ZIM2: variants seen among roughly 807,000 people sequenced by gnomAD.
ZIM2 encodes the protein zinc finger imprinted 2.
In ZIM2, 14 loss-of-function variants were observed where a neutral mutation model predicts 38.6. The observed-to-expected ratio is 0.36, with a 90% CI of 0.24 to 0.57. ZIM2 has a LOEUF of 0.57. Ranked by LOEUF, ZIM2 falls within the 20% of genes least tolerant of loss-of-function variation. The probability of loss-of-function intolerance (pLI) is 0.81; values close to 1 mark genes in which losing one functional copy is unlikely to be tolerated. For missense variants in ZIM2, 680 were observed against 695.1 expected (o/e 0.98, Z 0.24); for synonymous variants, 247 against 245.8 (o/e 1.00, Z -0.04).
At chr19:56,794,492 AG>A (rs1338101485) in intron 9 of ZIM2, among the ~76,000 whole-genome samples, 1 of 152,240 alleles carries the variant, frequency 6.6e-6, no homozygotes, top group Non-Finnish European at 1.5e-5. Flanking sequence ...GTTTTCCATT[AG>A]AAATCATAAC....
At chr19:56,795,947 ATAAC>A (rs917147514) in intron 9 of ZIM2, among the ~76,000 whole-genome samples, 12 of 152,372 alleles carry the variant, frequency 7.9e-5, no homozygotes, top group Middle Eastern at 6.8e-3. Context: ...AAAATAAAAA[ATAAC>A]AAACTAATTT....
At chr19:56,810,193 G>T in intron 9 of ZIM2, 1 of 980,450 alleles carries the variant, frequency 1.0e-6, no homozygotes, top group Non-Finnish European at 1.2e-6. Flanking sequence ...AATATATCAA[G>T]ATGTTAACCA....
intron 1 of ZIM2, among the ~76,000 whole-genome samples, chr19:56,838,454 G>A (rs543097338): frequency 2.0e-5 from 3 of 152,112 alleles, no homozygotes; most frequent in Non-Finnish European, 4.4e-5. Context: ...GAACGGTCCC[G>A]GGCCCCAGCC....
intron 9 of ZIM2, chr19:56,791,138 T>C (rs1362244896): frequency 2.6e-5 from 4 of 152,146 alleles, no homozygotes; most frequent in Admixed American, 6.5e-5. Context: ...TGGGACAACA[T>C]CCACTATATC....
At chr19:56,801,719 C>T (rs1050667341) in intron 9 of ZIM2, among the ~76,000 whole-genome samples, 1 of 152,184 alleles carries the variant, frequency 6.6e-6, no homozygotes, top group Non-Finnish European at 1.5e-5. Flanking sequence ...ACAAACAATC[C>T]TATTGTAGCT....
intron 9 of ZIM2, among the ~76,000 whole-genome samples, chr19:56,797,268 C>T (rs2047278648): frequency 6.6e-6 from 1 of 151,920 alleles, no homozygotes; most frequent in Non-Finnish European, 1.5e-5. Flanking sequence ...GCCCACTGCA[C>T]TCCAGCCTGG....
intron 2 of ZIM2, chr19:56,833,180 C>A (rs762491743): frequency 1.9e-6 from 1 of 517,156 alleles, no homozygotes; most frequent in Admixed American, 1.9e-5. Context: ...CACATCCCAT[C>A]TGATGCAGGA....
intron 9 of ZIM2, among the ~76,000 whole-genome samples, chr19:56,803,986 T>C (rs1159327787): frequency 6.6e-6 from 1 of 152,336 alleles, no homozygotes; most frequent in Admixed American, 6.5e-5. Flanking sequence ...ACACCCACTT[T>C]GGTGAAGAAA....
At chr19:56,833,820 A>C (rs2061814325) in intron 2 of ZIM2, 2 of 152,774 alleles carry the variant, frequency 1.3e-5, no homozygotes, top group Admixed American at 1.3e-4. Context: ...TTTATATAGG[A>C]GCAAGGAGTA....
chr19:56,808,144 G>A (rs2047847601), intron 9 of ZIM2, among the ~76,000 whole-genome samples: 1 of 152,116 alleles, frequency 6.6e-6, no homozygotes, highest in Non-Finnish European at 1.5e-5. Flanking sequence ...TCCTTTGCTG[G>A]CATGAGGGAG....
intron 2 of ZIM2, among the ~76,000 whole-genome samples, chr19:56,829,103 C>A (rs1224894587): frequency 6.6e-6 from 1 of 152,122 alleles, no homozygotes; most frequent in African/African-American, 2.4e-5. Context: ...GTAATCCCAG[C>A]ACTTTGGGAG....
At chr19:56,826,804 A>C (rs1209696519) in intron 2 of ZIM2, among the ~76,000 whole-genome samples, 1 of 152,234 alleles carries the variant, frequency 6.6e-6, no homozygotes, top group East Asian at 1.9e-4. Context: ...AATTACAATA[A>C]GACAAGAAAA....
intron 9 of ZIM2, among the ~76,000 whole-genome samples, chr19:56,800,195 C>A (rs531697633): frequency 6.6e-6 from 1 of 150,968 alleles, no homozygotes; most frequent in South Asian, 2.1e-4. Context: ...TTTGACCTCA[C>A]AATAGAAAAA....
At chr19:56,788,842 C>A (rs757768306) in intron 10 of ZIM2, among the ~76,000 whole-genome samples, 5 of 151,686 alleles carry the variant, frequency 3.3e-5, no homozygotes, top group Non-Finnish European at 7.4e-5. Context: ...AGGCTTTGTT[C>A]ATTTCTTTTC....
At chr19:56,781,114 G>A (rs1600713716) in intron 11 of ZIM2, among the ~76,000 whole-genome samples, 1 of 152,178 alleles carries the variant, frequency 6.6e-6, no homozygotes, top group African/African-American at 2.4e-5. Flanking sequence ...AGAGAAGAGT[G>A]TAAAATATGC....
chr19:56,813,541 G>C (rs1221388603), intron 9 of ZIM2: 2 of 1,444,352 alleles, frequency 1.4e-6, no homozygotes, highest in Non-Finnish European at 9.1e-7. Flanking sequence ...TCTGAGTTTA[G>C]AGATGTTAAG....
At chr19:56,833,594 T>A in intron 2 of ZIM2, 1 of 183,420 alleles carries the variant, frequency 5.5e-6, no homozygotes, top group Non-Finnish European at 1.2e-5. Context: ...GTTCTCAAAC[T>A]CAGATGTGCA....
intron 1 of ZIM2, among the ~76,000 whole-genome samples, chr19:56,836,725 T>C (rs1411853001): frequency 1.3e-5 from 2 of 152,034 alleles, no homozygotes; most frequent in Non-Finnish European, 2.9e-5. Flanking sequence ...TCCCAGCACT[T>C]TGGGAGGCCA....
intron 9 of ZIM2, chr19:56,793,004 C>T (rs2047019703): frequency 6.5e-6 from 1 of 152,732 alleles, no homozygotes; most frequent in South Asian, 2.1e-4. Context: ...TTCTCACCTT[C>T]CTTCTCACAT....
Sources: gnomAD v4.1 joint callset for allele counts (sites outside exome capture counted in the v4.1 genomes callset) on GRCh38, gnomAD v4.1.1 for gene constraint, MANE v1.5 for transcripts, NCBI Gene and HGNC (gene_info 2026-07-23, HGNC 2026-07-21) for gene names.